The following TUBGCP5 variants were observed in gnomAD, a reference collection of about 807,000 sequenced individuals.
The protein encoded by TUBGCP5 is tubulin gamma complex component 5, also known as gamma-tubulin complex component 5.
TUBGCP5 carries 98 observed loss-of-function variants against 134.7 expected under a neutral mutation model. The ratio of observed to expected loss-of-function variants is 0.73; its 90% CI spans 0.62 to 0.86. The LOEUF (loss-of-function observed/expected upper bound fraction) is 0.86. TUBGCP5 is among the 40% of genes least tolerant of loss of function. The probability of loss-of-function intolerance (pLI) is 0.00; values close to 1 mark genes in which losing one functional copy is unlikely to be tolerated. For missense variants in TUBGCP5, 1,150 were observed against 1,244.8 expected, an observed-to-expected ratio of 0.92 and a Z score of 1.15; for synonymous variants, 456 against 431.4, an observed-to-expected ratio of 1.06 and a Z score of -0.71.
At chr15:23,035,485 A>G (rs1475254105) in intron 3 of TUBGCP5, among the ~76,000 whole-genome samples, 1 of 152,042 alleles carries the variant, frequency 6.6e-6, no homozygotes, top group African/African-American at 2.4e-5. Context: ...ACCTCAGATC[A>G]TTAGGCATTA....
chr15:22,983,064 G>A (rs180805922), downstream of TUBGCP5: 11 of 152,220 alleles, frequency 7.2e-5, no homozygotes, highest in African/African-American at 2.6e-4. Flanking sequence ...GATAGGACAG[G>A]CAGACACAAA....
At chr15:23,018,572 C>T (rs570577510) in intron 12 of TUBGCP5, among the ~76,000 whole-genome samples, 5 of 152,270 alleles carry the variant, frequency 3.3e-5, no homozygotes, top group African/African-American at 1.2e-4. Flanking sequence ...CATATTGCTA[C>T]CCTTCCAGAA....
At chr15:23,019,907 G>C (rs2065569658) in intron 11 of TUBGCP5, among the ~76,000 whole-genome samples, 1 of 152,186 alleles carries the variant, frequency 6.6e-6, no homozygotes, top group Non-Finnish European at 1.5e-5. Flanking sequence ...AGAGGCAGCA[G>C]GTGTATCCTG....
Position 23,024,751 on chromosome 15 carries a change from T to C in TUBGCP5, c.907A>G (p.Thr303Ala). 6.5e-7 allele frequency: 1 copy of C among 1,544,902 alleles called. No homozygotes were observed. The highest frequency in any genetic ancestry group is 8.9e-7 in the Non-Finnish European group (1 of 1,127,972). Residue 303 changes from threonine to alanine, a missense_variant, in exon 9 of 23, where the codon ACT (threonine) becomes GCT (alanine). This residue lies in a region of TUBGCP5 where 453 missense variants were observed against 394.7 expected (regional missense o/e 1.15). Transcript: ENST00000615383. Reference protein sequence around the residue: ...KVTVRNNIIVTHLTHSCLRSV... With the variant: ...KVTVRNNIIVAHLTHSCLRSV... The stretch of plus-strand genomic sequence containing the variant: ...AAATAACTTACATGTGTTAAATGAG[T>C]TACTATAATATTGTTTCTCACAGTT...
chr15:22,988,562 T>C (rs2063751829), intron 23 of TUBGCP5, among the ~76,000 whole-genome samples: 2 of 150,990 alleles, frequency 1.3e-5, no homozygotes, highest in South Asian at 2.1e-4. Flanking sequence ...TGAAACCCCG[T>C]CTCTACTAGA....
At chr15:23,037,949 A>G (rs1352041823) in intron 1 of TUBGCP5, among the ~76,000 whole-genome samples, 4 of 152,166 alleles carry the variant, frequency 2.6e-5, no homozygotes, top group Admixed American at 2.6e-4. Flanking sequence ...TACTTTTAGT[A>G]GAGACCGGGT....
At chr15:22,992,933 T>A (rs2063896100) in intron 23 of TUBGCP5, among the ~76,000 whole-genome samples, 1 of 151,888 alleles carries the variant, frequency 6.6e-6, no homozygotes, top group Non-Finnish European at 1.5e-5. Flanking sequence ...GAGCATTAAC[T>A]GAGAGAAAGA....
intron 8 of TUBGCP5, among the ~76,000 whole-genome samples, chr15:23,025,584 G>C (rs2065936003): frequency 6.6e-6 from 1 of 152,154 alleles, no homozygotes; most frequent in Admixed American, 6.5e-5. Flanking sequence ...TGTAATCCCA[G>C]CACTTTGGGA....
Position 23,032,774 on chromosome 15 carries a change from A to G in TUBGCP5, c.360T>C (p.Ser120=), listed in dbSNP as rs764565474. 1.5e-5 allele frequency: 24 copies of G among 1,598,338 alleles called. No homozygotes were observed. The highest frequency in any genetic ancestry group is 1.9e-5 in the Non-Finnish European group (22 of 1,174,520). ...TCTCCACATAACTGCTGTTTGAAGG[A>G]GAGTCTGACAGACACAGAAGAAGTG... ...ILSLLLCLSD[S]PSNSSYVETP... The change falls in exon 4 of 23, where the codon TCT becomes TCC. Residue 120 remains serine (S), a synonymous_variant. Transcript: ENST00000615383.
chr15:23,016,969 G>GATATGTAT (rs1555439436), intron 13 of TUBGCP5, among the ~76,000 whole-genome samples: 6 of 109,424 alleles, frequency 5.5e-5, no homozygotes, highest in African/African-American at 1.8e-4. Context: ...AAAATTGTGA[G>GATATGTAT]ATATATATAT....
intron 22 of TUBGCP5, 22 bp downstream of exon 22, chr15:23,000,547 T>C: frequency 6.2e-7 from 1 of 1,606,618 alleles, no homozygotes; most frequent in South Asian, 1.1e-5. Context: ...GAGGTAGAAA[T>C]ATTTTAACAT....
At chr15:23,031,055 G>A (rs374938000) in intron 5 of TUBGCP5, 35 bp from the exon 6 acceptor site, 3 of 1,581,536 alleles carry the variant, frequency 1.9e-6, no homozygotes, top group Non-Finnish European at 2.6e-6. Context: ...TAGCTTTACA[G>A]AGTATAACAC....
chr15:22,992,934 G>C (rs150346058), intron 23 of TUBGCP5, among the ~76,000 whole-genome samples: 2 of 151,948 alleles, frequency 1.3e-5, no homozygotes, highest in Admixed American at 1.3e-4. Context: ...AGCATTAACT[G>C]AGAGAAAGAT....
At chr15:23,006,874 C>T (rs1400999569) in intron 16 of TUBGCP5, among the ~76,000 whole-genome samples, 2 of 152,188 alleles carry the variant, frequency 1.3e-5, no homozygotes, top group East Asian at 1.9e-4. Context: ...CTAACATGGA[C>T]ATGAAAATGT....
Position 23,039,334 on chromosome 15 carries a change from T to C in TUBGCP5, c.146+64A>G. On this transcript the variant is annotated intron_variant, in intron 1 of 22. Coordinates refer to ENST00000615383, the MANE Select transcript of TUBGCP5 (RefSeq NM_052903.6). ...CCCAGCGCGCCCCGACCCCGGGCTG[T>C]GCGGGACCCACGCGCGGGCTCCGGG... 4 of 1,298,296 alleles carry C rather than the reference T, an allele frequency of 3.1e-6. No individual in the cohort carries two copies. The South Asian group carries it at 6.8e-5, about 22-fold the overall frequency. The allele number at this position is 1,298,296 out of a possible 1,614,324, so 80.4% of individuals were successfully genotyped here.
At chr15:22,988,170 TC>T (rs1944574217) in intron 23 of TUBGCP5, among the ~76,000 whole-genome samples, 1 of 151,830 alleles carries the variant, frequency 6.6e-6, no homozygotes, top group Non-Finnish European at 1.5e-5. Flanking sequence ...TCTTAGCGGA[TC>T]TAAGTTCTTG....
At chr15:23,038,097 A>G (rs1449830931) in intron 1 of TUBGCP5, among the ~76,000 whole-genome samples, 1 of 152,026 alleles carries the variant, frequency 6.6e-6, no homozygotes, top group Non-Finnish European at 1.5e-5. Flanking sequence ...TGAACTATTC[A>G]TTTTTCTGAT....
intron 21 of TUBGCP5, among the ~76,000 whole-genome samples, chr15:23,001,921 C>T (rs746622772): frequency 1.6e-4 from 25 of 152,122 alleles, no homozygotes; most frequent in Admixed American, 3.3e-4. Flanking sequence ...TAATAGCATT[C>T]AAGCAAATTT....
chr15:22,994,509 C>CA (rs2063982467), downstream of TUBGCP5, among the ~76,000 whole-genome samples: 1 of 152,206 alleles, frequency 6.6e-6, no homozygotes, highest in African/African-American at 2.4e-5. Flanking sequence ...TCAGAAAACT[C>CA]AAGCAGTTTG....
Sources: allele counts gnomAD v4.1 joint callset (sites outside exome capture counted in the v4.1 genomes callset), GRCh38; gene constraint gnomAD v4.1.1; regional missense constraint gnomAD v4.1.1; transcripts MANE v1.5; gene names NCBI Gene and HGNC (gene_info 2026-07-23, HGNC 2026-07-21).